LDHA: variants seen among roughly 807,000 people sequenced by gnomAD.
The protein encoded by LDHA is L-lactate dehydrogenase A chain.
LDHA carries 10 observed loss-of-function variants against 36.3 expected under a neutral mutation model. The observed-to-expected ratio is 0.28, with a 90% CI of 0.17 to 0.47. The LOEUF is 0.47. LDHA is among the 20% of genes least tolerant of loss of function. The pLI is 0.99. For synonymous variants in LDHA, 110 were observed against 136.7 expected (o/e 0.80, Z 1.36); for missense variants, 267 against 405.8 (o/e 0.66, Z 2.94).
chr11:18,397,134 C>T (rs2134018134), intron 2 of LDHA, 166 bp downstream of exon 2: 3 of 613,174 alleles, frequency 4.9e-6, no homozygotes, highest in Non-Finnish European at 8.7e-6. Context: ...GATAATACAC[C>T]AAAAGTGTAT....
rs756227406 is a variant in LDHA at position 18,396,810 on chromosome 11, C to T, written c.-24-9C>T. On this transcript the variant is annotated splice_polypyrimidine_tract_variant and intron_variant, in intron 1 of 7. Coordinates refer to ENST00000422447, the MANE Select transcript of LDHA (RefSeq NM_005566.4). ...GCTGTAGTGACACTAAATGTTTTTCCTCCTATAGATTCCTTTTGGTTCCAA... is the reference window on the plus strand; with the variant it reads ...GCTGTAGTGACACTAAATGTTTTTCTTCCTATAGATTCCTTTTGGTTCCAA... 3 of 1,591,326 alleles carry T rather than the reference C, an allele frequency of 1.9e-6. No individual in the cohort carries two copies. Among genetic ancestry groups the T allele is most frequent in the South Asian group, 1.1e-5 (1 of 87,652 alleles).
chr11:18,397,103 T>C (rs1399983862), intron 2 of LDHA, 135 bp downstream of exon 2: 5 of 777,434 alleles, frequency 6.4e-6, no homozygotes, highest in Non-Finnish European at 1.1e-5. Flanking sequence ...TAACTTTCTG[T>C]GAAACAAACT....
At chr11:18,398,986 G>C (rs1340259346) in intron 2 of LDHA, 1 of 221,680 alleles carries the variant, frequency 4.5e-6, no homozygotes. Flanking sequence ...TGGGATTACA[G>C]ATGTGAGTCA....
intron 3 of LDHA, 56 bp downstream of exon 3, chr11:18,399,604 G>A: frequency 1.5e-6 from 2 of 1,300,512 alleles, no homozygotes; most frequent in South Asian, 2.4e-5. Flanking sequence ...TCTTTTTCCA[G>A]ATGGTCTCCA....
At position 18,407,348 on chromosome 11, in the gene LDHA, G is replaced by A. The variant is rs1866728668; in HGVS notation, c.*67G>A. The stretch of plus-strand genomic sequence containing the variant: ...AGGATTCTAGGTGGAGGTTGTGCAT[G>A]TTGTCCTTTTTATCTGATCTGTGAT... On this transcript the variant is annotated 3_prime_UTR_variant, in exon 8 of 8. Coordinates refer to ENST00000422447, the MANE Select transcript of LDHA (RefSeq NM_005566.4). 1 of 1,611,528 alleles carries A rather than the reference G, an allele frequency of 6.2e-7. No individual in the cohort carries two copies. Among genetic ancestry groups the A allele is most frequent in the East Asian group, 2.2e-5 (1 of 44,874 alleles).
At chr11:18,400,452 CA>C (rs1322886053) in intron 3 of LDHA, 1 of 16,602 alleles carries the variant, frequency 6.0e-5, no homozygotes, top group African/African-American at 1.3e-4. Context: ...CACACACACA[CA>C]CACACACACA....
chr11:18,398,052 G>A (rs528366757), intron 2 of LDHA, among the ~76,000 whole-genome samples: 107 of 152,152 alleles, frequency 7.0e-4, no homozygotes, highest in Middle Eastern at 6.8e-3. Flanking sequence ...CCTACAAACC[G>A]CCTATGTTTT....
In LDHA at chr11:18,407,140, T is replaced by G; in HGVS notation, c.858T>G (p.Asp286Glu). 2 of 1,604,796 alleles carry G rather than the reference T, an allele frequency of 1.2e-6. No homozygotes were observed. The highest frequency in any genetic ancestry group is 1.3e-5 in the African/African-American group (1 of 74,626). ...AGGGTCTTTACGGAATAAAGGATGA[T>G]GTCTTCCTTAGTGTTCCTTGCATTT... The part of the protein sequence containing the change: ...MIKGLYGIKD[D>E]VFLSVPCILG... The change falls in exon 8 of 8, where the codon GAT becomes GAG. Residue 286 changes from aspartate (D) to glutamate (E), a missense_variant. Coordinates refer to ENST00000422447, the MANE Select transcript of LDHA (RefSeq NM_005566.4).
intron 4 of LDHA, among the ~76,000 whole-genome samples, chr11:18,401,667 C>T (rs1408276292): frequency 2.7e-5 from 4 of 149,738 alleles, no homozygotes; most frequent in Admixed American, 6.7e-5. Flanking sequence ...TTAGTAGAGA[C>T]GGGGTTTCAT....
In LDHA at chr11:18,407,148, T is replaced by G; in HGVS notation, c.866T>G (p.Leu289Arg). 6.2e-7 allele frequency: 1 copy of G among 1,611,158 alleles called. No homozygotes were observed. The highest frequency in any genetic ancestry group is 8.5e-7 in the Non-Finnish European group (1 of 1,178,102). The change falls in exon 8 of 8, where the codon CTT becomes CGT. Residue 289 changes from leucine (L) to arginine (R), a missense_variant. Transcript: ENST00000422447. ...TACGGAATAAAGGATGATGTCTTCC[T>G]TAGTGTTCCTTGCATTTTGGGACAG... ...GLYGIKDDVF[L>R]SVPCILGQNG...
Position 18,403,815 on chromosome 11 carries a change from A to G in LDHA, c.710+4A>G, listed in dbSNP as rs1866581489. On this transcript the variant is annotated splice_donor_region_variant and intron_variant, in intron 6 of 7. Coordinates refer to ENST00000422447, the MANE Select transcript of LDHA (RefSeq NM_005566.4). ...TTCACAAGCAGGTGGTTGAGAGGTAATAAATCTTTCAATTTGGCAACACAG... is the reference window on the plus strand; with the variant it reads ...TTCACAAGCAGGTGGTTGAGAGGTAGTAAATCTTTCAATTTGGCAACACAG... 2.1e-6 allele frequency: 3 copies of G among 1,458,014 alleles called. No individual in the cohort carries two copies. Among genetic ancestry groups the G allele is most frequent in the East Asian group, 4.5e-5 (2 of 44,128 alleles). The allele number at this position is 1,458,014 out of a possible 1,614,324, so 90.3% of individuals were successfully genotyped here. A position where few individuals can be genotyped will look rare whatever the true frequency, so the allele number is the denominator to read the frequency against.
In LDHA at chr11:18,408,098, A is replaced by C. The variant is rs527401531; in HGVS notation, c.*817A>C. 4.5e-4 allele frequency: 203 copies of C among 454,042 alleles called. 1 individual carries two copies. Among genetic ancestry groups the C allele is most frequent in the Middle Eastern group, 2.1e-3 (3 of 1,444 alleles). 28.1% of individuals were successfully genotyped at this position (454,042 alleles called of 1,614,324 possible). ...TTGGAAAGTAACATTCTATATGTAAATGTAAAATTTATTTGCCAACTGAAT... is the reference window on the plus strand; with the variant it reads ...TTGGAAAGTAACATTCTATATGTAACTGTAAAATTTATTTGCCAACTGAAT... On this transcript the variant is annotated 3_prime_UTR_variant, in exon 8 of 8. Coordinates refer to ENST00000422447, the MANE Select transcript of LDHA (RefSeq NM_005566.4).
In LDHA at chr11:18,401,951, T is replaced by TTC. The variant is rs1234424801; in HGVS notation, c.419-885_419-884dup. On this transcript the variant is annotated intron_variant, in intron 4 of 7. Transcript: ENST00000422447. Reference sequence around the variant, plus strand: ...GGGATAAGTTTGTGAATAATTGTTATTCTCTTTTTTTTTTTTTTTTTTTTT... The same window carrying TTC: ...GGGATAAGTTTGTGAATAATTGTTATTCTCTCTTTTTTTTTTTTTTTTTTTTT... 1.4e-3 allele frequency among the ~76,000 whole-genome samples: 138 copies of TTC among 101,636 alleles called. 2 individuals carry two copies. Among genetic ancestry groups the TTC allele is most frequent in the Non-Finnish European group, 2.1e-3 (106 of 51,360 alleles). The allele number at this position is 101,636 out of a possible 152,430, so 66.7% of individuals were successfully genotyped here.
At chr11:18,401,457 TGATTC>T (rs140027721) in intron 4 of LDHA, among the ~76,000 whole-genome samples, 80,006 of 128,182 alleles carry the variant, frequency 0.62, 25,845 homozygotes, top group South Asian at 0.74. Flanking sequence ...GCATATTTAT[TGATTC>T]ATTTATTTTT....
intron 1 of LDHA, 76 bp downstream of exon 1, chr11:18,394,712 C>T: frequency 2.2e-6 from 1 of 449,640 alleles, no homozygotes; most frequent in Non-Finnish European, 4.5e-6. Context: ...CTGCTGGCCT[C>T]CGCTGCTCGC....
chr11:18,394,803 A>T, intron 1 of LDHA, 167 bp downstream of exon 1: 3 of 375,778 alleles, frequency 8.0e-6, no homozygotes, highest in South Asian at 5.7e-5. Context: ...CGGCCCACAC[A>T]ACGCATGTGT....
chr11:18,404,807 C>CAGAAAAAAAA (rs139302031), intron 6 of LDHA, among the ~76,000 whole-genome samples: 4 of 125,590 alleles, frequency 3.2e-5, no homozygotes, highest in Non-Finnish European at 5.0e-5. Flanking sequence ...GACTCCGTCT[C>CAGAAAAAAAA]AAAAAAAAAA....
chr11:18,403,268 G>A (rs1389254537), intron 5 of LDHA, among the ~76,000 whole-genome samples: 2 of 152,096 alleles, frequency 1.3e-5, no homozygotes, highest in Non-Finnish European at 2.9e-5. Flanking sequence ...TAGTTCTTAG[G>A]ATGTCTTCAG....
At position 18,403,807 on chromosome 11, in the gene LDHA, G is replaced by A; in HGVS notation, c.706G>A (p.Glu236Lys). 6.6e-7 allele frequency: 1 copy of A among 1,522,276 alleles called. No individual in the cohort carries two copies. The highest frequency in any genetic ancestry group is 9.1e-7 in the Non-Finnish European group (1 of 1,096,532). The allele number at this position is 1,522,276 out of a possible 1,614,324, so 94.3% of individuals were successfully genotyped here. A position where few individuals can be genotyped will look rare whatever the true frequency, so the allele number is the denominator to read the frequency against. Residue 236 changes from glutamate (E) to lysine (K), a missense_variant, in exon 6 of 8, where the codon GAG (glutamate) becomes AAG (lysine). Physicochemically the swap from Glu to Lys is moderately conservative, Grantham distance 56. Coordinates refer to ENST00000422447, the MANE Select transcript of LDHA (RefSeq NM_005566.4). ...GAAAGAGGTTCACAAGCAGGTGGTTGAGAGGTAATAAATCTTTCAATTTGG... is the reference window on the plus strand; with the variant it reads ...GAAAGAGGTTCACAAGCAGGTGGTTAAGAGGTAATAAATCTTTCAATTTGG... ...QWKEVHKQVV[E>K]SAYEVIKLKG...
Sources: gnomAD v4.1 joint callset for allele counts (sites outside exome capture counted in the v4.1 genomes callset) on GRCh38, gnomAD v4.1.1 for gene constraint, MANE v1.5 for transcripts, NCBI Gene and HGNC (gene_info 2026-07-23, HGNC 2026-07-21) for gene names.